CLDN19: variants seen among roughly 807,000 people sequenced by gnomAD.
CLDN19 encodes the protein claudin 19.
A neutral mutation model predicts 24.5 loss-of-function variants in CLDN19; 19 were observed. The ratio of observed to expected loss-of-function variants is 0.78; its 90% CI spans 0.54 to 1.14. The LOEUF (loss-of-function observed/expected upper bound fraction) is 1.14, where lower values mean the gene tolerates loss of function less well. CLDN19 is among the 50% of genes most tolerant of loss of function. The probability of loss-of-function intolerance (pLI) is 0.00; values close to 1 mark genes in which losing one functional copy is unlikely to be tolerated. For synonymous variants in CLDN19, 117 were observed against 129.6 expected (o/e 0.90, Z 0.66); for missense variants, 250 against 295.9 (o/e 0.84, Z 1.14).
chr1:42,739,814 C>T (rs1651489562), intron 1 of CLDN19, 27 bp downstream of exon 1: 1 of 1,602,814 alleles, frequency 6.2e-7, no homozygotes, highest in Non-Finnish European at 8.5e-7. Context: ...CACCTCCCAT[C>T]TCCCACCCCG....
rs1651270816 is a variant in CLDN19 at position 42,734,009 on chromosome 1, G to A, written c.*1077C>T. 6.6e-6 allele frequency: 1 copy of A among 152,478 alleles called. No homozygotes were observed. Among genetic ancestry groups the A allele is most frequent in the Non-Finnish European group, 1.5e-5 (1 of 68,204 alleles). The allele number at this position is 152,478 out of a possible 1,614,324, so 9.4% of individuals were successfully genotyped here. On this transcript the variant is annotated 3_prime_UTR_variant, in exon 5 of 5. Transcript: ENST00000296387. ...GGCCAGAATGGAGCTGGCCAAGGAA[G>A]GTGCGTGGCAGGGAAGGGGAGGTTC...
Position 42,740,202 on chromosome 1 carries a change from GGT to G in CLDN19, c.-141_-140del, listed in dbSNP as rs1651507405. ...GGAGGGTCAGAGGCAGAGAAGGAGAGGTGGTGCGGCGGCAGCGGCTGGAGCAA... is the reference window on the plus strand; with the variant it reads ...GGAGGGTCAGAGGCAGAGAAGGAGAGGGTGCGGCGGCAGCGGCTGGAGCAA... On this transcript the variant is annotated 5_prime_UTR_variant, in exon 1 of 5. Transcript: ENST00000296387. 13 of 714,260 alleles carry G rather than the reference GGT, an allele frequency of 1.8e-5. No individual in the cohort carries two copies. Among genetic ancestry groups the G allele is most frequent in the Non-Finnish European group, 3.0e-5 (12 of 400,824 alleles). The allele number at this position is 714,260 out of a possible 1,614,324, so 44.2% of individuals were successfully genotyped here. A position where few individuals can be genotyped will look rare whatever the true frequency, so the allele number is the denominator to read the frequency against.
rs1001707873 is a variant in CLDN19, at chr1:42,733,723, G to GGACA, written c.*1359_*1362dup. Reference sequence around the variant, plus strand: ...TGGCCACATCCTCTGACCAGAGGCTGGACAAGTCCCTGTTGTGCCCCGGTG... The same window carrying GGACA: ...TGGCCACATCCTCTGACCAGAGGCTGGACAGACAAGTCCCTGTTGTGCCCCGGTG... On this transcript the variant is annotated 3_prime_UTR_variant, in exon 5 of 5. Transcript: ENST00000296387. The GGACA allele has an allele frequency of 2.0e-4, 31 of 152,430 alleles. No homozygotes were observed. Among genetic ancestry groups the GGACA allele is most frequent in the African/African-American group, 7.2e-4 (30 of 41,562 alleles). The allele number at this position is 152,430 out of a possible 1,614,324, so 9.4% of individuals were successfully genotyped here. A position where few individuals can be genotyped will look rare whatever the true frequency, so the allele number is the denominator to read the frequency against.
At chr1:42,735,752 C>T (rs544937247) in intron 4 of CLDN19, 126 bp downstream of exon 4, 2 of 1,505,508 alleles carry the variant, frequency 1.3e-6, no homozygotes, top group South Asian at 2.5e-5. Context: ...GGACAAGCTG[C>T]TCAGAGCACC....
intron 1 of CLDN19, 41 bp from the exon 2 acceptor site, chr1:42,738,626 T>G: frequency 6.3e-7 from 1 of 1,596,478 alleles, no homozygotes; most frequent in South Asian, 1.1e-5. Flanking sequence ...CTGGCGGGGA[T>G]GGGGGTTGGG....
Position 42,739,841 on chromosome 1 carries a change from C to G in CLDN19, c.223G>C (p.Gly75Arg). Residue 75 changes from glycine (G) to arginine (R), a missense_variant and splice_region_variant, in exon 1 of 5, where the codon GGT becomes CGT. By Grantham distance (125) the Gly-to-Arg change is moderately radical. Coordinates refer to ENST00000296387, the MANE Select transcript of CLDN19 (RefSeq NM_148960.3). ...KLYDSLLALD[G>R]HIQSARALMV... ...CCCACCCCGCCGGCCTGGGGCCTAC[C>G]GTCCAGGGCGAGCAGCGAGTCGTAG... 1 of 1,612,508 alleles carries G rather than the reference C, an allele frequency of 6.2e-7. No homozygotes were observed. The highest frequency in any genetic ancestry group is 8.5e-7 in the Non-Finnish European group (1 of 1,179,604).
At chr1:42,735,291 G>A (rs564169958) in intron 4 of CLDN19, 157 bp from the exon 5 acceptor site, 25 of 1,517,762 alleles carry the variant, frequency 1.6e-5, no homozygotes, top group Middle Eastern at 2.4e-4. Context: ...GGGCAGGGGC[G>A]CCATGGTCCG....
intron 1 of CLDN19, 135 bp downstream of exon 1, chr1:42,739,706 G>A: frequency 1.3e-6 from 1 of 779,798 alleles, no homozygotes; most frequent in Middle Eastern, 3.6e-4. Flanking sequence ...TGGGCACAGG[G>A]CAGTAGTGGG....
chr1:42,735,233 G>A, intron 4 of CLDN19, 99 bp from the exon 5 acceptor site: 1 of 1,580,106 alleles, frequency 6.3e-7, no homozygotes, highest in South Asian at 1.1e-5. Context: ...TGGCCAGCGT[G>A]GCCAGACCTT....
rs539643806 is a variant in CLDN19 at position 42,739,857 on chromosome 1, C to G, written c.207G>C (p.Ser69=). 1 of 1,612,920 alleles carries G rather than the reference C, an allele frequency of 6.2e-7. No homozygotes were observed. Among genetic ancestry groups the G allele is most frequent in the Non-Finnish European group, 8.5e-7 (1 of 1,179,764 alleles). The change falls in exon 1 of 5, where the codon TCG becomes TCC. Residue 69 remains serine (S), a synonymous_variant. Coordinates refer to ENST00000296387, the MANE Select transcript of CLDN19 (RefSeq NM_148960.3). ...TGQVQCKLYD[S]LLALDGHIQS... ...GGGGCCTACCGTCCAGGGCGAGCAG[C>G]GAGTCGTAGAGCTTGCACTGCACTT...
rs746201648 is a variant in CLDN19, at chr1:42,739,863, G to A, written c.201C>T (p.Tyr67=). The change falls in exon 1 of 5, where the codon TAC becomes TAT. Residue 67 remains tyrosine, a synonymous_variant. Coordinates refer to ENST00000296387, the MANE Select transcript of CLDN19 (RefSeq NM_148960.3). ...QSTGQVQCKL[Y]DSLLALDGHI... ...TACCGTCCAGGGCGAGCAGCGAGTC[G>A]TAGAGCTTGCACTGCACTTGCCCAG... 5.0e-6 allele frequency: 8 copies of A among 1,613,122 alleles called. No homozygotes were observed. The highest frequency in any genetic ancestry group is 1.1e-5 in the South Asian group (1 of 90,950).
Position 42,738,306 on chromosome 1 carries a change from G to T in CLDN19, c.396C>A (p.Cys132Ter). 2 of 1,613,944 alleles carry T rather than the reference G, an allele frequency of 1.2e-6. No individual in the cohort carries two copies. The highest frequency in any genetic ancestry group is 1.7e-6 in the Non-Finnish European group (2 of 1,180,018). Residue 132 changes from cysteine (C) to a stop codon, truncating the protein, a stop_gained, in exon 3 of 5, where the codon TGC becomes TGA. Coordinates refer to ENST00000296387, the MANE Select transcript of CLDN19 (RefSeq NM_148960.3). LOFTEE classifies it high-confidence loss of function. ...CATACCACGAGACAGCAGTCAAAGT[G>T]CAGAGGCCTAAAGACAAAGCAGAGG... ...GGALFILAGL[C>*]TLTAVSWYAT...
intron 3 of CLDN19, among the ~76,000 whole-genome samples, chr1:42,737,428 G>A (rs1000309581): frequency 6.6e-6 from 1 of 152,206 alleles, no homozygotes; most frequent in African/African-American, 2.4e-5. Context: ...TCCTGGCCCA[G>A]AATAACTGCT....
chr1:42,738,439 C>A lies in CLDN19; in HGVS notation c.370G>T (p.Ala124Ser), dbSNP rs1478541411. The change falls in exon 2 of 5, where the codon GCC (alanine) becomes TCC (serine). Residue 124 changes from alanine (A) to serine (S), a missense_variant. Coordinates refer to ENST00000296387, the MANE Select transcript of CLDN19 (RefSeq NM_148960.3). ...CACTCACCTGCCAGGATGAAGAGGG[C>A]TCCCCCGGCGATGGCAACACGGCCC... ...AKGRVAIAGG[A>S]LFILAGLCTL... The A allele has an allele frequency of 1.9e-6, 3 of 1,613,998 alleles. 1 individual carries two copies. The South Asian group carries it at 3.3e-5, about 18-fold the overall frequency.
chr1:42,736,689 C>T (rs1056664979), intron 3 of CLDN19, among the ~76,000 whole-genome samples: 3 of 152,216 alleles, frequency 2.0e-5, no homozygotes, highest in African/African-American at 7.2e-5. Flanking sequence ...GTTCACCCCG[C>T]CCCTTGCGCC....
chr1:42,734,905 T>C lies in CLDN19; in HGVS notation c.*181A>G. The C allele has an allele frequency of 1.6e-6, 1 of 627,012 alleles. No individual in the cohort carries two copies. Among genetic ancestry groups the C allele is most frequent in the Non-Finnish European group, 2.9e-6 (1 of 343,778 alleles). The allele number at this position is 627,012 out of a possible 1,614,324, so 38.8% of individuals were successfully genotyped here. A position where few individuals can be genotyped will look rare whatever the true frequency, so the allele number is the denominator to read the frequency against. On this transcript the variant is annotated 3_prime_UTR_variant, in exon 5 of 5. Transcript: ENST00000296387. ...ACCCTGGACCTCTGTCTCCTCATCT[T>C]TCTGCCCAAGAGCCCCAGGGGTCAG...
At position 42,740,234 on chromosome 1, in the gene CLDN19, A is replaced by G. The variant is rs529124083; in HGVS notation, c.-171T>C. ...CGGCGGCAGCGGCTGGAGCAAAGGCAGTGGCTCTGGACTCCAGAATGCAGG... is the reference window on the plus strand; with the variant it reads ...CGGCGGCAGCGGCTGGAGCAAAGGCGGTGGCTCTGGACTCCAGAATGCAGG... On this transcript the variant is annotated 5_prime_UTR_variant, in exon 1 of 5. Coordinates refer to ENST00000296387, the MANE Select transcript of CLDN19 (RefSeq NM_148960.3). The G allele has an allele frequency of 5.2e-5, 35 of 670,094 alleles. 1 individual carries two copies. The South Asian group carries it at 5.4e-4, about 10-fold the overall frequency. The allele number at this position is 670,094 out of a possible 1,614,324, so 41.5% of individuals were successfully genotyped here.
chr1:42,735,640 T>G, intron 4 of CLDN19: 1 of 1,432,744 alleles, frequency 7.0e-7, no homozygotes, highest in Non-Finnish European at 9.1e-7. Flanking sequence ...GACAAGACCG[T>G]GCCTGGACCT....
rs140498057 is a variant in CLDN19 at position 42,735,583 on chromosome 1, G to A, written c.626+295C>T. ...TGAGTAAACAGCCGGGCTGGTGCCT[G>A]AGGGCCTGTCTCCAGGGATGCATGC... On this transcript the variant is annotated intron_variant, in intron 4 of 4. Transcript: ENST00000296387. The A allele has an allele frequency of 7.1e-4, 1,011 of 1,423,072 alleles. 6 individuals are homozygous for A. In the African/African-American group the frequency reaches 0.013, roughly 18 times the overall value. 88.2% of individuals were successfully genotyped at this position (1,423,072 alleles called of 1,614,324 possible). A position where few individuals can be genotyped will look rare whatever the true frequency, so the allele number is the denominator to read the frequency against.
Sources: allele counts gnomAD v4.1 joint callset (sites outside exome capture counted in the v4.1 genomes callset), GRCh38; gene constraint gnomAD v4.1.1; transcripts MANE v1.5; gene names NCBI Gene and HGNC (gene_info 2026-07-23, HGNC 2026-07-21).